Variants in DCDC1 observed in about 807,000 individuals in gnomAD.
DCDC1 encodes the protein doublecortin domain containing 1, also known as doublecortin domain-containing protein 1.
DCDC1 carries 200 observed loss-of-function variants against 178.3 expected under a neutral mutation model. That is an observed-to-expected ratio of 1.12 (90% CI 1.00 to 1.26). The LOEUF is 1.26. Among genes scored for constraint, DCDC1 ranks in the 50% most tolerant of loss-of-function variants. The probability of loss-of-function intolerance (pLI) is 0.00; values close to 1 mark genes in which losing one functional copy is unlikely to be tolerated. For missense variants in DCDC1, 1,983 were observed against 1,749.2 expected (o/e 1.13, Z -2.38); for synonymous variants, 690 against 604.8 (o/e 1.14, Z -2.07).
chr11:30,870,453 C>T (rs1402153344), intron 38 of DCDC1, among the ~76,000 whole-genome samples: 1 of 152,164 alleles, frequency 6.6e-6, no homozygotes, highest in African/African-American at 2.4e-5. Context: ...AAGCTGTTGG[C>T]AAGTCTGGCC....
chr11:31,352,219 T>C lies in DCDC1; in HGVS notation c.-124-16655A>G, dbSNP rs78489456. 8.6e-3 allele frequency among the ~76,000 whole-genome samples: 1,311 copies of C among 152,202 alleles called. 10 individuals carry two copies. The highest frequency in any genetic ancestry group is 0.014 in the Non-Finnish European group (930 of 67,972). Reference sequence around the variant, plus strand: ...TAGGGCTTACCTTGTGCTCACTCCATAAAGAAACCATGTGCTGTCATGGGT... The same window carrying C: ...TAGGGCTTACCTTGTGCTCACTCCACAAAGAAACCATGTGCTGTCATGGGT... On this transcript the variant is annotated intron_variant, in intron 1 of 38. Coordinates refer to ENST00000684477, the MANE Select transcript of DCDC1 (RefSeq NM_001387274.1).
intron 20 of DCDC1, among the ~76,000 whole-genome samples, chr11:31,017,236 T>G (rs993656597): frequency 6.6e-6 from 1 of 152,140 alleles, no homozygotes; most frequent in Non-Finnish European, 1.5e-5. Context: ...GCAGATTTTC[T>G]TCCTCCTTTG....
chr11:30,912,152 T>C (rs1945488738), intron 27 of DCDC1, among the ~76,000 whole-genome samples: 1 of 152,220 alleles, frequency 6.6e-6, no homozygotes, highest in South Asian at 2.1e-4. Context: ...CTGTGCCATC[T>C]CAGGGCTCTA....
intron 11 of DCDC1, among the ~76,000 whole-genome samples, chr11:31,125,031 C>T (rs973661347): frequency 4.6e-5 from 7 of 152,106 alleles, no homozygotes; most frequent in Non-Finnish European, 1.0e-4. Flanking sequence ...ATCTATCCAT[C>T]TGACAAAGGT....
chr11:31,249,339 T>A (rs1365539363), intron 8 of DCDC1, among the ~76,000 whole-genome samples: 1 of 152,174 alleles, frequency 6.6e-6, no homozygotes, highest in Non-Finnish European at 1.5e-5. Flanking sequence ...ATGACAGTGA[T>A]CCAATTATAT....
rs185797730 is a variant in DCDC1, at chr11:31,332,491, T to C, written c.-7+2956A>G. On this transcript the variant is annotated intron_variant, in intron 2 of 38. Coordinates refer to ENST00000684477, the MANE Select transcript of DCDC1 (RefSeq NM_001387274.1). ...ATGTTAGGGTGTCAATTTTAGATCT[T>C]TCCTTCTTTCTCTTGTGGGCATTTA... 2.0e-4 allele frequency among the ~76,000 whole-genome samples: 30 copies of C among 152,346 alleles called. No homozygotes were observed. In the East Asian group the frequency reaches 5.2e-3, roughly 26 times the overall value.
At chr11:31,163,397 C>A (rs752538250) in intron 9 of DCDC1, among the ~76,000 whole-genome samples, 4 of 152,004 alleles carry the variant, frequency 2.6e-5, no homozygotes, top group Non-Finnish European at 4.4e-5. Flanking sequence ...TGTCTTATAT[C>A]AAAAAAATGA....
intron 6 of DCDC1, among the ~76,000 whole-genome samples, chr11:31,304,644 G>T (rs546343149): frequency 6.6e-6 from 1 of 152,052 alleles, no homozygotes; most frequent in Admixed American, 6.6e-5. Context: ...ACAGAAGGGA[G>T]ATTTTTATCA....
At position 30,922,493 on chromosome 11, in the gene DCDC1, C is replaced by A; in HGVS notation, c.3133+10G>T. On this transcript the variant is annotated intron_variant, in intron 24 of 38. Transcript: ENST00000684477. ...CTGAATATATTAAGGTAAATAATTCCAATGCTTACCTTCTATTTTATGTGT... is the reference window on the plus strand; with the variant it reads ...CTGAATATATTAAGGTAAATAATTCAAATGCTTACCTTCTATTTTATGTGT... 1 of 1,506,796 alleles carries A rather than the reference C, an allele frequency of 6.6e-7. No individual in the cohort carries two copies. The highest frequency in any genetic ancestry group is 1.4e-5 in the African/African-American group (1 of 69,262). The allele number at this position is 1,506,796 out of a possible 1,614,324, so 93.3% of individuals were successfully genotyped here.
chr11:30,947,867 GA>G (rs941270141), intron 21 of DCDC1, among the ~76,000 whole-genome samples: 28 of 150,366 alleles, frequency 1.9e-4, no homozygotes, highest in Non-Finnish European at 3.1e-4. Context: ...AACTCAATAG[GA>G]AAAAAAAATC....
rs78393417 is a variant in DCDC1 at position 31,071,911 on chromosome 11, G to C, written c.2298+5954C>G. On this transcript the variant is annotated intron_variant, in intron 18 of 38. Transcript: ENST00000684477. ...GTCAAGCCTCAGATGTTTGCAACCTGAGTTAGTCTCACAAGTAACTTTGAG... is the reference window on the plus strand; with the variant it reads ...GTCAAGCCTCAGATGTTTGCAACCTCAGTTAGTCTCACAAGTAACTTTGAG... Among the ~76,000 whole-genome samples the C allele has an allele frequency of 4.4e-3, 675 of 152,280 alleles. 7 individuals carry two copies. Among genetic ancestry groups the C allele is most frequent in the Non-Finnish European group, 7.5e-3 (510 of 68,024 alleles).
At chr11:31,328,992 C>A (rs1288943908) in intron 2 of DCDC1, among the ~76,000 whole-genome samples, 1 of 46,996 alleles carries the variant, frequency 2.1e-5, no homozygotes, top group African/African-American at 7.9e-5. Context: ...CTTCATCCCT[C>A]TTTTTTGGAA....
intron 22 of DCDC1, among the ~76,000 whole-genome samples, chr11:30,931,228 AT>A (rs1335851866): frequency 1.3e-5 from 2 of 152,046 alleles, no homozygotes; most frequent in Admixed American, 6.6e-5. Context: ...TATTGGGAAA[AT>A]TTTATCCCAA....
chr11:31,094,795 T>A (rs1958045632), intron 15 of DCDC1, among the ~76,000 whole-genome samples: 1 of 151,354 alleles, frequency 6.6e-6, no homozygotes, highest in African/African-American at 2.4e-5. Flanking sequence ...GAAAGCCTTC[T>A]TTTTTTTTAT....
chr11:31,075,481 C>T (rs1209357419), intron 18 of DCDC1, among the ~76,000 whole-genome samples: 1 of 152,080 alleles, frequency 6.6e-6, no homozygotes, highest in Non-Finnish European at 1.5e-5. Flanking sequence ...GCTTTCTATA[C>T]AGGTTGCACT....
intron 20 of DCDC1, among the ~76,000 whole-genome samples, chr11:30,958,669 A>G (rs1017032285): frequency 2.0e-5 from 3 of 152,140 alleles, no homozygotes; most frequent in Non-Finnish European, 1.5e-5. Flanking sequence ...TCAGAAACCA[A>G]TGGTAGAGGG....
In DCDC1 at chr11:30,920,881, T is replaced by G. The variant is rs1244416911; in HGVS notation, c.3188A>C (p.His1063Pro). The change falls in exon 25 of 39, where the codon CAT becomes CCT. Residue 1063 changes from histidine (H) to proline (P), a missense_variant. His to Pro is a moderately conservative substitution (Grantham distance 77). Transcript: ENST00000684477. The stretch of plus-strand genomic sequence containing the variant: ...TTCTCCAAAAATTGCTACAGGTTTA[T>G]GCACAGCAAGCTTGCTTCCAGATAC... ...DIVSGSKLAV[H>P]KPVAIFGEEK... is the part of the protein sequence containing the mutation. 1 of 1,613,396 alleles carries G rather than the reference T, an allele frequency of 6.2e-7. No homozygotes were observed. The highest frequency in any genetic ancestry group is 1.3e-5 in the African/African-American group (1 of 75,066).
At chr11:31,291,516 A>T (rs142463545) in intron 6 of DCDC1, among the ~76,000 whole-genome samples, 1,577 of 152,188 alleles carry the variant, frequency 0.01, 70 homozygotes, top group Admixed American at 0.081. Flanking sequence ...ACAGGAGTGC[A>T]ACTAAATTAC....
chr11:31,106,932 T>G lies in DCDC1; in HGVS notation c.1616A>C (p.Gln539Pro). The change falls in exon 13 of 39, where the codon CAA becomes CCA. Residue 539 changes from glutamine to proline, a missense_variant. Physicochemically the swap from Gln to Pro is moderately conservative, Grantham distance 76. Coordinates refer to ENST00000684477, the MANE Select transcript of DCDC1 (RefSeq NM_001387274.1). ...GCCTGGTGGGTTGATGGAAGAACCT[T>G]GAAGCCTTTGATGAATCTTGAGAAG... ...RLLLKIHQRLQGSSINPPGLN... is the reference protein window; with the variant it reads ...RLLLKIHQRLPGSSINPPGLN... 3.9e-6 allele frequency: 3 copies of G among 765,840 alleles called. No homozygotes were observed. The highest frequency in any genetic ancestry group is 7.2e-6 in the Non-Finnish European group (3 of 417,732). The allele number at this position is 765,840 out of a possible 1,614,324, so 47.4% of individuals were successfully genotyped here.
Sources: allele counts gnomAD v4.1 joint callset (sites outside exome capture counted in the v4.1 genomes callset), GRCh38; gene constraint gnomAD v4.1.1; transcripts MANE v1.5; gene names NCBI Gene and HGNC (gene_info 2026-07-23, HGNC 2026-07-21).